The following EPHA4 variants were observed in gnomAD, a reference collection of about 807,000 sequenced individuals.
EPHA4 encodes EPH receptor A4.
A neutral mutation model predicts 108.3 loss-of-function variants in EPHA4; 19 were observed. The ratio of observed to expected loss-of-function variants is 0.18; its 90% CI spans 0.12 to 0.26. The LOEUF is 0.26. EPHA4 is among the 10% of genes least tolerant of loss of function. The pLI, the probability that EPHA4 is intolerant of heterozygous loss-of-function variation, is 1.00. For synonymous variants in EPHA4, 449 were observed against 455.5 expected (o/e 0.99, Z 0.18); for missense variants, 917 against 1,254.0 (o/e 0.73, Z 4.06).
At chr2:221,558,534 G>A (rs1694366844) in intron 3 of EPHA4, among the ~76,000 whole-genome samples, 1 of 152,006 alleles carries the variant, frequency 6.6e-6, no homozygotes, top group Admixed American at 6.6e-5. Context: ...AACCACTTAA[G>A]AAGGCTTTTT....
chr2:221,556,308 CTTTT>C (rs1245350299), intron 3 of EPHA4, among the ~76,000 whole-genome samples: 1 of 151,882 alleles, frequency 6.6e-6, no homozygotes, highest in Non-Finnish European at 1.5e-5. Flanking sequence ...TTCTTTCTTT[CTTTT>C]TTGAGACAGA....
chr2:221,451,549 T>C (rs986815623), intron 8 of EPHA4, among the ~76,000 whole-genome samples: 1 of 152,184 alleles, frequency 6.6e-6, no homozygotes, highest in Non-Finnish European at 1.5e-5. Flanking sequence ...AATAGAGATT[T>C]GTTTGTGGTT....
At chr2:221,555,620 T>C (rs1163951616) in intron 3 of EPHA4, among the ~76,000 whole-genome samples, 1 of 152,186 alleles carries the variant, frequency 6.6e-6, no homozygotes, top group African/African-American at 2.4e-5. Context: ...ACCTCACCTG[T>C]TCTCCTCCCC....
In EPHA4 at chr2:221,564,215, G is replaced by A. The variant is rs150722300; in HGVS notation, c.339C>T (p.Gly113=). The change falls in exon 3 of 18, where the codon GGC becomes GGT. Residue 113 remains glycine, a synonymous_variant. Coordinates refer to ENST00000281821, the MANE Select transcript of EPHA4 (RefSeq NM_004438.5). The stretch of plus-strand genomic sequence containing the variant: ...ACGTCTCCTTGCAAGTCCCCATGAC[G>A]CCCGGAAGACTATTGCAGTCCCTCA... ...FTLRDCNSLP[G]VMGTCKETFN... 6.8e-6 allele frequency: 11 copies of A among 1,614,066 alleles called. No individual in the cohort carries two copies. The highest frequency in any genetic ancestry group is 2.2e-5 in the South Asian group (2 of 91,076).
chr2:221,545,924 G>T (rs575312714), intron 3 of EPHA4, among the ~76,000 whole-genome samples: 1 of 152,320 alleles, frequency 6.6e-6, no homozygotes, highest in Admixed American at 6.5e-5. Flanking sequence ...GTTTATAGTT[G>T]AAAGTCAACT....
rs753538561 is a variant in EPHA4, at chr2:221,434,163, A to G, written c.2475T>C (p.Tyr825=). The part of the protein sequence containing the change: ...WEVMSYGERP[Y]WDMSNQDVIK... ...TTACATCTTGATTGGACATATCCCA[A>G]TAGGGCCTCTCCCCGTACGACATCA... Residue 825 remains tyrosine (Y), a synonymous_variant, in exon 14 of 18, where the codon TAT becomes TAC. Coordinates refer to ENST00000281821, the MANE Select transcript of EPHA4 (RefSeq NM_004438.5). The G allele has an allele frequency of 2.9e-5, 47 of 1,613,770 alleles. No individual in the cohort carries two copies. The highest frequency in any genetic ancestry group is 9.9e-5 in the South Asian group (9 of 91,048).
At chr2:221,451,855 T>G (rs2052942) in intron 8 of EPHA4, among the ~76,000 whole-genome samples, 102,737 of 152,090 alleles carry the variant, frequency 0.68, 35,063 homozygotes, top group Non-Finnish European at 0.74. Flanking sequence ...CCGCGATCCC[T>G]AAATGCTTAC....
intron 3 of EPHA4, among the ~76,000 whole-genome samples, chr2:221,541,493 G>A (rs1447483986): frequency 6.6e-6 from 1 of 152,156 alleles, no homozygotes; most frequent in Non-Finnish European, 1.5e-5. Context: ...TACAGCCGAA[G>A]GTGCCAGTCC....
intron 12 of EPHA4, 39 bp from the exon 13 acceptor site, chr2:221,436,647 T>C (rs1376062126): frequency 6.3e-7 from 1 of 1,576,236 alleles, no homozygotes; most frequent in South Asian, 1.1e-5. Context: ...TCATTAGCAT[T>C]AGGCCAAGTT....
At chr2:221,481,896 T>C (rs2106140838) in intron 5 of EPHA4, among the ~76,000 whole-genome samples, 1 of 152,262 alleles carries the variant, frequency 6.6e-6, no homozygotes, top group East Asian at 1.9e-4. Flanking sequence ...GTACATAATC[T>C]ATAAGTGCTC....
At chr2:221,466,449 C>T (rs1267708711) in intron 5 of EPHA4, among the ~76,000 whole-genome samples, 1 of 152,126 alleles carries the variant, frequency 6.6e-6, no homozygotes, top group Non-Finnish European at 1.5e-5. Flanking sequence ...ATCCCTATAA[C>T]TCTCTGAAGT....
intron 3 of EPHA4, among the ~76,000 whole-genome samples, chr2:221,542,964 T>A (rs546482234): frequency 6.6e-6 from 1 of 152,358 alleles, no homozygotes; most frequent in Middle Eastern, 3.4e-3. Context: ...ACTTTGGAGT[T>A]CATTTCATTA....
At position 221,436,387 on chromosome 2, in the gene EPHA4, G is replaced by T. The variant is rs369988785; in HGVS notation, c.2346+12C>A. On this transcript the variant is annotated intron_variant, in intron 13 of 17. Transcript: ENST00000281821. The stretch of plus-strand genomic sequence containing the variant: ...CCAGAGTGAAAGCCCAGATGTCACC[G>T]ATCTTTCTTACCCTGGTGGTGTAAG... 1 of 1,613,020 alleles carries T rather than the reference G, an allele frequency of 6.2e-7. No individual in the cohort carries two copies. The highest frequency in any genetic ancestry group is 8.5e-7 in the Non-Finnish European group (1 of 1,179,030).
intron 3 of EPHA4, among the ~76,000 whole-genome samples, chr2:221,515,245 G>A (rs566980310): frequency 3.9e-4 from 59 of 152,096 alleles, no homozygotes; most frequent in Non-Finnish European, 6.0e-4. Flanking sequence ...ACAGGCATGC[G>A]CCACCATGCA....
chr2:221,509,913 T>A (rs185310999), intron 3 of EPHA4, among the ~76,000 whole-genome samples: 1 of 152,320 alleles, frequency 6.6e-6, no homozygotes, highest in Admixed American at 6.5e-5. Context: ...CCTTATTAGA[T>A]GTGTGAACTT....
At position 221,482,392 on chromosome 2, in the gene EPHA4, T is replaced by C; in HGVS notation, c.1278A>G (p.Pro426=). ...TCACAGTGACAGAAACTGATTGGTC[T>C]GGGTTAGGGTTATATTTGGACACTC... ...VNGVSKYNPN[P]DQSVSVTVTT... Residue 426 remains proline (P), a synonymous_variant, in exon 5 of 18, where the codon CCA becomes CCG. Coordinates refer to ENST00000281821, the MANE Select transcript of EPHA4 (RefSeq NM_004438.5). The C allele has an allele frequency of 1.2e-6, 2 of 1,612,090 alleles. No individual in the cohort carries two copies. Among genetic ancestry groups the C allele is most frequent in the Non-Finnish European group, 8.5e-7 (1 of 1,178,636 alleles).
At chr2:221,437,313 T>C in intron 11 of EPHA4, 191 bp from the exon 12 acceptor site, 1 of 501,186 alleles carries the variant, frequency 2.0e-6, no homozygotes, top group Non-Finnish European at 3.5e-6. Flanking sequence ...TAGGTTTAAA[T>C]TCCATCTGGA....
chr2:221,469,915 G>A (rs539445178), intron 5 of EPHA4, among the ~76,000 whole-genome samples: 4 of 152,254 alleles, frequency 2.6e-5, no homozygotes, highest in East Asian at 1.9e-4. Flanking sequence ...AAAAGATCAC[G>A]TGAGCTGCTC....
intron 5 of EPHA4, among the ~76,000 whole-genome samples, chr2:221,474,722 A>T (rs547280258): frequency 2.0e-5 from 3 of 152,270 alleles, no homozygotes; most frequent in African/African-American, 7.2e-5. Context: ...CTCTAGAAGG[A>T]GTTCTTCATT....
Sources: gnomAD v4.1 joint callset for allele counts (sites outside exome capture counted in the v4.1 genomes callset) on GRCh38, gnomAD v4.1.1 for gene constraint, MANE v1.5 for transcripts, NCBI Gene and HGNC (gene_info 2026-07-23, HGNC 2026-07-21) for gene names.